The following DCK variants were observed in gnomAD, a reference collection of about 807,000 sequenced individuals.
DCK encodes the protein deoxycytidine kinase.
DCK carries 23 observed loss-of-function variants against 38.3 expected under a neutral mutation model. The ratio of observed to expected loss-of-function variants is 0.60; its 90% CI spans 0.43 to 0.85. DCK has a LOEUF of 0.85. Ranked by LOEUF, DCK falls within the 40% of genes least tolerant of loss-of-function variation. The probability of loss-of-function intolerance (pLI) is 0.00; values close to 1 mark genes in which losing one functional copy is unlikely to be tolerated. For synonymous variants in DCK, 108 were observed against 100.6 expected (o/e 1.07, Z -0.44); for missense variants, 259 against 304.4 (o/e 0.85, Z 1.11).
At chr4:71,021,470 A>G (rs1000403635) in intron 2 of DCK, among the ~76,000 whole-genome samples, 5 of 152,212 alleles carry the variant, frequency 3.3e-5, no homozygotes, top group Non-Finnish European at 5.9e-5. Context: ...TGTGGTTCTA[A>G]CAATAAGATT....
chr4:71,023,848 C>T (rs190573557), intron 4 of DCK, 142 bp downstream of exon 4: 1 of 662,634 alleles, frequency 1.5e-6, no homozygotes, highest in Admixed American at 3.8e-5. Context: ...AAACTTGTAA[C>T]TGTGTAGATA....
intron 2 of DCK, among the ~76,000 whole-genome samples, chr4:71,009,967 A>G (rs114619811): frequency 0.019 from 2,938 of 152,086 alleles, 64 homozygotes; most frequent in Admixed American, 0.061. Context: ...TCAAATGTCA[A>G]TTTTTCTTAG....
chr4:71,015,468 G>A (rs1481765545), intron 2 of DCK, among the ~76,000 whole-genome samples: 1 of 152,196 alleles, frequency 6.6e-6, no homozygotes, highest in East Asian at 1.9e-4. Context: ...AAGCCTGGCA[G>A]AGACACAACA....
At chr4:71,016,665 G>C (rs1456269703) in intron 2 of DCK, among the ~76,000 whole-genome samples, 2 of 152,036 alleles carry the variant, frequency 1.3e-5, no homozygotes, top group Non-Finnish European at 2.9e-5. Context: ...ACAAACCTGA[G>C]AAAAACAAGA....
At chr4:71,013,612 C>G (rs1424618678) in intron 2 of DCK, among the ~76,000 whole-genome samples, 1 of 152,166 alleles carries the variant, frequency 6.6e-6, no homozygotes, top group African/African-American at 2.4e-5. Context: ...ATTCAACATT[C>G]TTAAAGAAAC....
At chr4:70,994,958 A>AT (rs1425948558) in intron 1 of DCK, among the ~76,000 whole-genome samples, 3 of 152,110 alleles carry the variant, frequency 2.0e-5, no homozygotes, top group Admixed American at 1.3e-4. Context: ...TTAAAAAAAA[A>AT]TTTTTTTAGC....
chr4:70,994,025 C>G, intron 1 of DCK, 99 bp downstream of exon 1: 1 of 880,470 alleles, frequency 1.1e-6, no homozygotes, highest in Non-Finnish European at 1.9e-6. Flanking sequence ...TCGGTGAGGG[C>G]TTTCCCTCCA....
chr4:70,998,141 G>T lies in DCK; in HGVS notation c.166G>T (p.Ala56Ser). 1 of 1,606,200 alleles carries T rather than the reference G, an allele frequency of 6.2e-7. No individual in the cohort carries two copies. The highest frequency in any genetic ancestry group is 8.5e-7 in the Non-Finnish European group (1 of 1,174,502). Residue 56 changes from alanine (A) to serine (S), a missense_variant, in exon 2 of 7, where the codon GCC becomes TCC. This residue lies in a region of DCK where 159 missense variants were observed against 159.0 expected (regional missense o/e 1.00). Coordinates refer to ENST00000286648, the MANE Select transcript of DCK (RefSeq NM_000788.3). ...TTGGGAAGTGGTTCCTGAACCTGTT[G>T]CCAGATGGTGCAATGTTCAAAGTAC... ...EDWEVVPEPVARWCNVQSTQD... is the reference protein window; with the variant it reads ...EDWEVVPEPVSRWCNVQSTQD...
intron 2 of DCK, among the ~76,000 whole-genome samples, chr4:71,007,391 A>G (rs1739971727): frequency 6.6e-6 from 1 of 152,246 alleles, no homozygotes; most frequent in African/African-American, 2.4e-5. Context: ...ATCCAGGTCA[A>G]GAAATACGAC....
At chr4:71,014,149 A>G (rs1035428772) in intron 2 of DCK, among the ~76,000 whole-genome samples, 8 of 152,132 alleles carry the variant, frequency 5.3e-5, no homozygotes, top group Non-Finnish European at 1.2e-4. Context: ...CTTTAAACCA[A>G]CAAAGATCAA....
intron 2 of DCK, among the ~76,000 whole-genome samples, chr4:71,015,241 T>TG (rs1309098968): frequency 6.6e-6 from 1 of 152,194 alleles, no homozygotes; most frequent in Non-Finnish European, 1.5e-5. Flanking sequence ...AGGAAGAAGT[T>TG]GAATCCCTGA....
At chr4:70,994,670 C>T (rs996830720) in intron 1 of DCK, among the ~76,000 whole-genome samples, 3 of 152,092 alleles carry the variant, frequency 2.0e-5, no homozygotes, top group African/African-American at 7.2e-5. Flanking sequence ...ATATTATTAG[C>T]GAAGCATTGT....
rs36018698 is a variant in DCK at position 70,996,204 on chromosome 4, CAA to C, written c.92-1849_92-1848del. 2.4e-3 allele frequency among the ~76,000 whole-genome samples: 313 copies of C among 132,948 alleles called. 1 individual carries two copies. The highest frequency in any genetic ancestry group is 7.5e-3 in the Middle Eastern group (2 of 266). The allele number at this position is 132,948 out of a possible 152,430, so 87.2% of individuals were successfully genotyped here. On this transcript the variant is annotated intron_variant, in intron 1 of 6. Coordinates refer to ENST00000286648, the MANE Select transcript of DCK (RefSeq NM_000788.3). ...CACCCCAGCCTGGGTGACAGAGTCT[CAA>C]AAAAAAAAAAAAAGCCAGTTGTGTT...
At chr4:71,006,133 CA>C (rs67497388) in intron 2 of DCK, among the ~76,000 whole-genome samples, 1,385 of 104,244 alleles carry the variant, frequency 0.013, 17 homozygotes, top group African/African-American at 0.032. Context: ...ACAAAAACAC[CA>C]AAAAAAAAAA....
chr4:71,001,898 T>A (rs1370912894), intron 2 of DCK, among the ~76,000 whole-genome samples: 1 of 152,218 alleles, frequency 6.6e-6, no homozygotes, highest in East Asian at 1.9e-4. Context: ...TCTATCTATT[T>A]TGTTAATCTT....
At chr4:71,003,213 T>G (rs576117065) in intron 2 of DCK, among the ~76,000 whole-genome samples, 1 of 152,214 alleles carries the variant, frequency 6.6e-6, no homozygotes, top group African/African-American at 2.4e-5. Context: ...CCTTCACTTA[T>G]GAAGCTTAGT....
chr4:71,010,844 A>G (rs1327189898), intron 2 of DCK, among the ~76,000 whole-genome samples: 1 of 151,734 alleles, frequency 6.6e-6, no homozygotes, highest in African/African-American at 2.4e-5. Context: ...CTTACCACTA[A>G]TAAGCCACTG....
intron 2 of DCK, among the ~76,000 whole-genome samples, chr4:71,013,212 AAG>A (rs1740148759): frequency 6.6e-6 from 1 of 152,228 alleles, no homozygotes; most frequent in South Asian, 2.1e-4. Context: ...TTAGAGAAAA[AAG>A]AGTAAAAAGA....
intron 2 of DCK, 131 bp from the exon 3 acceptor site, chr4:71,022,236 C>G: frequency 2.0e-6 from 1 of 511,426 alleles, no homozygotes; most frequent in Non-Finnish European, 3.4e-6. Context: ...AGAAAGGGAA[C>G]TTAATCATCT....
Sources: gnomAD v4.1 joint callset for allele counts (sites outside exome capture counted in the v4.1 genomes callset) on GRCh38, gnomAD v4.1.1 for gene constraint, gnomAD v4.1.1 regional missense constraint, MANE v1.5 for transcripts, NCBI Gene and HGNC (gene_info 2026-07-23, HGNC 2026-07-21) for gene names.